Variants in KIF5B observed in about 807,000 individuals in gnomAD.
KIF5B encodes kinesin family member 5B, also known as kinesin-1 heavy chain.
KIF5B carries 49 observed loss-of-function variants against 132.8 expected under a neutral mutation model. The ratio of observed to expected loss-of-function variants is 0.37; its 90% CI spans 0.29 to 0.47. KIF5B has a LOEUF of 0.47. Ranked by LOEUF, KIF5B falls within the 20% of genes least tolerant of loss-of-function variation. KIF5B has a pLI of 1.00. For synonymous variants in KIF5B, 355 were observed against 369.4 expected, an observed-to-expected ratio of 0.96 and a Z score of 0.45; for missense variants, 780 against 1,144.0, an observed-to-expected ratio of 0.68 and a Z score of 4.59.
At chr10:32,046,644 C>T (rs1437084018) in intron 2 of KIF5B, among the ~76,000 whole-genome samples, 1 of 152,118 alleles carries the variant, frequency 6.6e-6, no homozygotes, top group Admixed American at 6.5e-5. Flanking sequence ...TCTCAAACTC[C>T]TGGCCTCAAG....
chr10:32,016,100 C>T (rs1432144593), intron 24 of KIF5B, among the ~76,000 whole-genome samples: 2 of 152,070 alleles, frequency 1.3e-5, no homozygotes, highest in Non-Finnish European at 2.9e-5. Flanking sequence ...GCCATAATTG[C>T]ACCACTGCAG....
At chr10:32,035,497 G>T (rs1320852201) in intron 10 of KIF5B, 25 bp downstream of exon 10, 3 of 1,589,472 alleles carry the variant, frequency 1.9e-6, no homozygotes, top group East Asian at 4.5e-5. Flanking sequence ...CTAAATTTAG[G>T]TTTTGTACTT....
chr10:32,027,678 ACATGGTTCACAG>A (rs1841351294), intron 15 of KIF5B, among the ~76,000 whole-genome samples: 1 of 150,884 alleles, frequency 6.6e-6, no homozygotes, highest in Non-Finnish European at 1.5e-5. Flanking sequence ...CATGGCACAA[ACATGGTTCACAG>A]CATCTTTAAC....
At position 32,035,513 on chromosome 10, in the gene KIF5B, A is replaced by T. The variant is rs760956991; in HGVS notation, c.962+9T>A. ...TAAATTTAGGTTTTGTACTTTCTTA[A>T]CAACAAACCTTTGGCCAAATAAGAG... On this transcript the variant is annotated intron_variant, in intron 10 of 25. Coordinates refer to ENST00000302418, the MANE Select transcript of KIF5B (RefSeq NM_004521.3). The T allele has an allele frequency of 1.3e-6, 2 of 1,598,546 alleles. No individual in the cohort carries two copies. The highest frequency in any genetic ancestry group is 1.8e-5 in the Admixed American group (1 of 55,862).
At position 32,018,045 on chromosome 10, in the gene KIF5B, T is replaced by G. The variant is rs778061128; in HGVS notation, c.2544+7A>C. 2 of 1,509,464 alleles carry G rather than the reference T, an allele frequency of 1.3e-6. No individual in the cohort carries two copies. The highest frequency in any genetic ancestry group is 1.8e-6 in the Non-Finnish European group (2 of 1,093,358). 93.5% of individuals were successfully genotyped at this position (1,509,464 alleles called of 1,614,324 possible). A position where few individuals can be genotyped will look rare whatever the true frequency, so the allele number is the denominator to read the frequency against. ...TTGCAGCTACCAGAAAATATACTCT[T>G]TAGTACCTGTTTGTGCACTTTAGTG... is the stretch of plus-strand genomic sequence containing the variant. On this transcript the variant is annotated splice_region_variant and intron_variant, in intron 23 of 25. Coordinates refer to ENST00000302418, the MANE Select transcript of KIF5B (RefSeq NM_004521.3).
chr10:32,017,172 A>T lies in KIF5B; in HGVS notation c.2732T>A (p.Met911Lys). Residue 911 changes from methionine (M) to lysine (K), a missense_variant, in exon 24 of 26, where the codon ATG (methionine) becomes AAG (lysine). Met to Lys is a moderately conservative substitution (Grantham distance 95, BLOSUM62 -1). This residue lies in a region of KIF5B where 90 missense variants were observed against 101.8 expected (regional missense o/e 0.88). Coordinates refer to ENST00000302418, the MANE Select transcript of KIF5B (RefSeq NM_004521.3). Reference protein sequence around the residue: ...RIKEAVRSKNMARRGHSAQIA... With the variant: ...RIKEAVRSKNKARRGHSAQIA... ...CTGTGCAGAATGCCCTCTTCTGGCC[A>T]TATTCTTTGACCTGACTGCTTCCTT... 1 of 1,614,210 alleles carries T rather than the reference A, an allele frequency of 6.2e-7. No homozygotes were observed. The highest frequency in any genetic ancestry group is 8.5e-7 in the Non-Finnish European group (1 of 1,180,006).
Position 32,031,109 on chromosome 10 carries a change from T to C in KIF5B, c.1545A>G (p.Glu515=), listed in dbSNP as rs140769865. The C allele has an allele frequency of 1.2e-6, 2 of 1,613,654 alleles. No homozygotes were observed. The highest frequency in any genetic ancestry group is 2.7e-5 in the African/African-American group (2 of 74,934). Residue 515 remains glutamate (E), a synonymous_variant, in exon 14 of 26, where the codon GAA becomes GAG. Transcript: ENST00000302418. ...TCAATTCATCACTAAGCAATTCATA[T>C]TCCTTAGTTTTGTCTTCAACTTCCT... is the stretch of plus-strand genomic sequence containing the variant. ...KSQEVEDKTK[E]YELLSDELNQ... is the part of the protein sequence containing the mutation.
chr10:32,054,118 G>C (rs1303212601), intron 1 of KIF5B, among the ~76,000 whole-genome samples: 8 of 152,170 alleles, frequency 5.3e-5, no homozygotes, highest in Non-Finnish European at 1.0e-4. Flanking sequence ...GAAGAAATAA[G>C]ACATTCTTAA....
intron 1 of KIF5B, among the ~76,000 whole-genome samples, chr10:32,050,048 G>GC (rs112573090): frequency 1.2e-3 from 177 of 152,150 alleles, no homozygotes; most frequent in African/African-American, 4.1e-3. Flanking sequence ...CTAGGTATTT[G>GC]CAAGTATCTG....
In KIF5B at chr10:32,017,089, A is replaced by C. The variant is rs531483143; in HGVS notation, c.2761+54T>G. 8.4e-6 allele frequency: 12 copies of C among 1,430,280 alleles called. No homozygotes were observed. The African/African-American group carries it at 1.1e-4, about 13-fold the overall frequency. 88.6% of individuals were successfully genotyped at this position (1,430,280 alleles called of 1,614,324 possible). A position where few individuals can be genotyped will look rare whatever the true frequency, so the allele number is the denominator to read the frequency against. On this transcript the variant is annotated intron_variant, in intron 24 of 25. Transcript: ENST00000302418. ...AAAATTCGGATTACGTTTTCCACTA[A>C]ATGAAAGCATTCAAATTGAGCAAGG... is the stretch of plus-strand genomic sequence containing the variant.
chr10:32,055,518 G>GCACACA (rs61091883), intron 1 of KIF5B, among the ~76,000 whole-genome samples: 42 of 150,130 alleles, frequency 2.8e-4, no homozygotes, highest in South Asian at 1.9e-3. Flanking sequence ...ATCCGTAATT[G>GCACACA]CACACACACA....
chr10:32,048,358 T>G (rs1469027567), intron 2 of KIF5B, 106 bp downstream of exon 2: 1 of 693,846 alleles, frequency 1.4e-6, no homozygotes, highest in Non-Finnish European at 2.5e-6. Flanking sequence ...GCAATTAACT[T>G]AGAAGAAAGG....
intron 1 of KIF5B, among the ~76,000 whole-genome samples, chr10:32,053,898 T>A (rs2132620522): frequency 6.6e-6 from 1 of 152,326 alleles, no homozygotes; most frequent in East Asian, 1.9e-4. Context: ...GAAACGGAAC[T>A]TATAAGCAAC....
In KIF5B at chr10:32,037,390, T is replaced by C. The variant is rs1388376493; in HGVS notation, c.587-12A>G. The C allele has an allele frequency of 1.2e-6, 2 of 1,608,736 alleles. No homozygotes were observed. The highest frequency in any genetic ancestry group is 1.3e-5 in the African/African-American group (1 of 74,652). On this transcript the variant is annotated splice_polypyrimidine_tract_variant and intron_variant, in intron 7 of 25. Transcript: ENST00000302418. ...ATGTTCATTCATATCTGCAAGGAAA[T>C]TACACAAACAAATATAAACAAACAT...
At chr10:32,047,951 A>G (rs1841635730) in intron 2 of KIF5B, among the ~76,000 whole-genome samples, 1 of 152,216 alleles carries the variant, frequency 6.6e-6, no homozygotes, top group South Asian at 2.1e-4. Context: ...GAATATATAA[A>G]GTTATAAATA....
chr10:32,040,039 A>G (rs1248909855), intron 3 of KIF5B, among the ~76,000 whole-genome samples: 1 of 152,214 alleles, frequency 6.6e-6, no homozygotes, highest in Non-Finnish European at 1.5e-5. Context: ...GGAGCCAAGG[A>G]GAACAGGAAA....
intron 25 of KIF5B, 38 bp downstream of exon 25, chr10:32,015,471 C>A: frequency 6.9e-7 from 1 of 1,441,554 alleles, no homozygotes; most frequent in Non-Finnish European, 9.2e-7. Flanking sequence ...ACCAATTTTC[C>A]ACAAACAGAT....
intron 20 of KIF5B, among the ~76,000 whole-genome samples, chr10:32,018,926 G>A (rs1220634180): frequency 6.6e-6 from 1 of 151,980 alleles, no homozygotes; most frequent in African/African-American, 2.4e-5. Flanking sequence ...CAAACACTGG[G>A]CTCAACTGAT....
chr10:32,025,385 T>C (rs1188862114), intron 15 of KIF5B, among the ~76,000 whole-genome samples: 1 of 152,030 alleles, frequency 6.6e-6, no homozygotes, highest in East Asian at 1.9e-4. Context: ...ATTATTATTA[T>C]TTTTTTTGGA....
Sources: allele counts gnomAD v4.1 joint callset (sites outside exome capture counted in the v4.1 genomes callset), GRCh38; gene constraint gnomAD v4.1.1; regional missense constraint gnomAD v4.1.1; transcripts MANE v1.5; gene names NCBI Gene and HGNC (gene_info 2026-07-23, HGNC 2026-07-21).